PCDHB11: variants seen among roughly 807,000 people sequenced by gnomAD.
The protein encoded by PCDHB11 is protocadherin beta-11.
For synonymous variants in PCDHB11, 522 were observed against 442.0 expected, an observed-to-expected ratio of 1.18 and a Z score of -2.27; for missense variants, 1,151 against 1,003.4, an observed-to-expected ratio of 1.15 and a Z score of -1.99.
Position 141,201,281 on chromosome 5 carries a change from C to T in PCDHB11, c.1507C>T (p.Leu503=), listed in dbSNP as rs782263202. 8 of 1,613,602 alleles carry T rather than the reference C, an allele frequency of 5.0e-6. No individual in the cohort carries two copies. The highest frequency in any genetic ancestry group is 1.8e-4 in the Middle Eastern group (1 of 5,532). The stretch of plus-strand genomic sequence containing the variant: ...GGACCTGCACCTGCCCCTCGCCTCC[C>T]TGGTCTCCATCAACACAGACAACGG... The part of the protein sequence containing the change: ...PQDLHLPLAS[L]VSINTDNGHL... The change falls in exon 1 of 1, where the codon CTG becomes TTG. Residue 503 remains leucine, a synonymous_variant. Transcript: ENST00000354757.
In PCDHB11 at chr5:141,200,234, C is replaced by A; in HGVS notation, c.460C>A (p.Leu154Ile). 1 of 1,614,128 alleles carries A rather than the reference C, an allele frequency of 6.2e-7. No individual in the cohort carries two copies. The highest frequency in any genetic ancestry group is 1.1e-5 in the South Asian group (1 of 91,082). Residue 154 changes from leucine to isoleucine, a missense_variant, in exon 1 of 1, where the codon CTA becomes ATA. Transcript: ENST00000354757. ...ENSPVGAVFLLESAKDLDVGI... is the reference protein window; with the variant it reads ...ENSPVGAVFLIESAKDLDVGI... Reference sequence around the variant, plus strand: ...CAGTCCCGTTGGTGCTGTGTTCTTACTAGAAAGTGCGAAGGATTTAGATGT... The same window carrying A: ...CAGTCCCGTTGGTGCTGTGTTCTTAATAGAAAGTGCGAAGGATTTAGATGT...
chr5:141,200,979 C>G lies in PCDHB11; in HGVS notation c.1205C>G (p.Thr402Arg), dbSNP rs548155691. Residue 402 changes from threonine to arginine, a missense_variant, in exon 1 of 1, where the codon ACG becomes AGG. Thr to Arg is a moderately conservative substitution (Grantham distance 71, BLOSUM62 -1). Coordinates refer to ENST00000354757, the MANE Select transcript of PCDHB11 (RefSeq NM_018931.3). ...VLKSSVENYY[T>R]LETERPLDRE... ...AAATCTTCAGTTGAGAATTACTACA[C>G]GTTGGAAACAGAGAGACCACTGGAC... The G allele has an allele frequency of 6.2e-7, 1 of 1,614,166 alleles. No homozygotes were observed. The highest frequency in any genetic ancestry group is 1.1e-5 in the South Asian group (1 of 91,088).
rs114149224 is a variant in PCDHB11, at chr5:141,200,338, T to C, written c.564T>C (p.Asn188=). The part of the protein sequence containing the change: ...FHIKMRVIPD[N]RKYPELVLDK... ...TTAAAATGAGAGTCATTCCAGACAA[T>C]AGGAAATACCCCGAGTTAGTTCTGG... Residue 188 remains asparagine (N), a synonymous_variant, in exon 1 of 1, where the codon AAT becomes AAC. Coordinates refer to ENST00000354757, the MANE Select transcript of PCDHB11 (RefSeq NM_018931.3). 7.4e-4 allele frequency: 1,188 copies of C among 1,614,024 alleles called. 16 individuals are homozygous for C. The East Asian group carries it at 0.024, about 33-fold the overall frequency.
rs782562715 is a variant in PCDHB11 at position 141,200,012 on chromosome 5, A to G, written c.238A>G (p.Asn80Asp). The G allele has an allele frequency of 1.2e-6, 2 of 1,614,102 alleles. No homozygotes were observed. Among genetic ancestry groups the G allele is most frequent in the South Asian group, 2.2e-5 (2 of 91,078 alleles). The change falls in exon 1 of 1, where the codon AAC (asparagine) becomes GAC (aspartate). Residue 80 changes from asparagine to aspartate, a missense_variant. Transcript: ENST00000354757. ...GAAACAGCGTTTGCAGCTGGACATA[A>G]ACACTGGGGATTTGCTCTTAAGTGA... ...DKKQRLQLDI[N>D]TGDLLLSETL...
At position 141,201,679 on chromosome 5, in the gene PCDHB11, G is replaced by A. The variant is rs782696928; in HGVS notation, c.1905G>A (p.Ala635=). 114 of 1,605,478 alleles carry A rather than the reference G, an allele frequency of 7.1e-5. No homozygotes were observed. The highest frequency in any genetic ancestry group is 1.9e-4 in the African/African-American group (14 of 74,770). ...CCAGGCTGCTGAGCGAGCGCGACGC[G>A]GCCAAGCACAGGCTGGTGGTGCTGG... ...RTARLLSERD[A]AKHRLVVLVK... The change falls in exon 1 of 1, where the codon GCG becomes GCA. Residue 635 remains alanine, a synonymous_variant. Transcript: ENST00000354757.
Position 141,201,355 on chromosome 5 carries a change from C to G in PCDHB11, c.1581C>G (p.Phe527Leu). 6.2e-7 allele frequency: 1 copy of G among 1,613,146 alleles called. No individual in the cohort carries two copies. Among genetic ancestry groups the G allele is most frequent in the Non-Finnish European group, 8.5e-7 (1 of 1,179,908 alleles). Reference protein sequence around the residue: ...RSLDYEALQAFDFRVGATDRG... With the variant: ...RSLDYEALQALDFRVGATDRG... ...TGGACTACGAGGCCCTGCAGGCTTT[C>G]GACTTCCGCGTGGGCGCCACAGACC... is the stretch of plus-strand genomic sequence containing the variant. The change falls in exon 1 of 1, where the codon TTC becomes TTG. Residue 527 changes from phenylalanine to leucine, a missense_variant. Physicochemically the swap from Phe to Leu is conservative, Grantham distance 22. Coordinates refer to ENST00000354757, the MANE Select transcript of PCDHB11 (RefSeq NM_018931.3).
rs1554285403 is a variant in PCDHB11, at chr5:141,200,866, G to T, written c.1092G>T (p.Val364=). Residue 364 remains valine, a synonymous_variant, in exon 1 of 1, where the codon GTG becomes GTT. Coordinates refer to ENST00000354757, the MANE Select transcript of PCDHB11 (RefSeq NM_018931.3). ...SPIPENTPET[V]VMVFSIQDID... ...TCCCAGAAAATACGCCAGAGACCGTGGTTATGGTTTTTAGTATCCAAGATA... is the reference window on the plus strand; with the variant it reads ...TCCCAGAAAATACGCCAGAGACCGTTGTTATGGTTTTTAGTATCCAAGATA... 1 of 1,614,164 alleles carries T rather than the reference G, an allele frequency of 6.2e-7. No homozygotes were observed. Among genetic ancestry groups the T allele is most frequent in the East Asian group, 2.2e-5 (1 of 44,890 alleles).
At position 141,201,556 on chromosome 5, in the gene PCDHB11, C is replaced by T. The variant is rs113735298; in HGVS notation, c.1782C>T (p.Gly594=). Residue 594 remains glycine (G), a synonymous_variant, in exon 1 of 1, where the codon GGC becomes GGT. Transcript: ENST00000354757. ...TGACCAAGGTGGTGGCGGTGGACGG[C>T]GACTCGGGCCAGAACGCCTGGCTGT... is the stretch of plus-strand genomic sequence containing the variant. ...YLVTKVVAVD[G]DSGQNAWLSY... 0.04 allele frequency: 64,311 copies of T among 1,598,228 alleles called. 3,164 individuals are homozygous for T. Among genetic ancestry groups the T allele is most frequent in the African/African-American group, 0.27 (19,524 of 72,346 alleles).
At position 141,199,703 on chromosome 5, in the gene PCDHB11, T is replaced by C. The variant is rs1195492297; in HGVS notation, c.-72T>C. The C allele has an allele frequency of 1.5e-5, 20 of 1,348,532 alleles. No individual in the cohort carries two copies. Among genetic ancestry groups the C allele is most frequent in the Admixed American group, 2.1e-5 (1 of 48,002 alleles). The allele number at this position is 1,348,532 out of a possible 1,614,324, so 83.5% of individuals were successfully genotyped here. On this transcript the variant is annotated 5_prime_UTR_variant, in exon 1 of 1. Coordinates refer to ENST00000354757, the MANE Select transcript of PCDHB11 (RefSeq NM_018931.3). Reference sequence around the variant, plus strand: ...GTTAAAATCCTTAGACCACAGAGGATTTGGTGGACAAGTCAGAGACGCGTT... The same window carrying C: ...GTTAAAATCCTTAGACCACAGAGGACTTGGTGGACAAGTCAGAGACGCGTT...
rs1345758213 is a variant in PCDHB11, at chr5:141,202,626, C to CT, written c.*466dup. 4.9e-4 allele frequency: 72 copies of CT among 147,030 alleles called. No homozygotes were observed. Among genetic ancestry groups the CT allele is most frequent in the African/African-American group, 1.2e-3 (49 of 39,498 alleles). 9.1% of individuals were successfully genotyped at this position (147,030 alleles called of 1,614,324 possible). Reference sequence around the variant, plus strand: ...CGGCCTTTTTTTTTTCTTTTCTTTTCTTTTTTTTGATACAGAGTCTTAGTC... The same window carrying CT: ...CGGCCTTTTTTTTTTCTTTTCTTTTCTTTTTTTTTGATACAGAGTCTTAGTC... On this transcript the variant is annotated 3_prime_UTR_variant, in exon 1 of 1. Coordinates refer to ENST00000354757, the MANE Select transcript of PCDHB11 (RefSeq NM_018931.3).
At position 141,200,600 on chromosome 5, in the gene PCDHB11, G is replaced by A. The variant is rs1335430397; in HGVS notation, c.826G>A (p.Glu276Lys). The change falls in exon 1 of 1, where the codon GAA becomes AAA. Residue 276 changes from glutamate to lysine, a missense_variant. Transcript: ENST00000354757. The part of the protein sequence containing the change: ...AWDLDSGTNG[E>K]ICYTFSHASE... ...GGATTTAGACTCTGGAACAAATGGT[G>A]AAATATGCTATACCTTTTCCCATGC... 6.2e-7 allele frequency: 1 copy of A among 1,614,184 alleles called. No homozygotes were observed. The highest frequency in any genetic ancestry group is 1.6e-4 in the Middle Eastern group (1 of 6,062).
In PCDHB11 at chr5:141,203,160, T is replaced by G. The variant is rs1754245660; in HGVS notation, c.*992T>G. 1 of 152,208 alleles carries G rather than the reference T, an allele frequency of 6.6e-6. No homozygotes were observed. Among genetic ancestry groups the G allele is most frequent in the African/African-American group, 2.4e-5 (1 of 41,434 alleles). 9.4% of individuals were successfully genotyped at this position (152,208 alleles called of 1,614,324 possible). A position where few individuals can be genotyped will look rare whatever the true frequency, so the allele number is the denominator to read the frequency against. Reference sequence around the variant, plus strand: ...CAGGCTGGTGTGCAATGGCGTGATCTCGGCTCACTGCAGTCTCTGCCTCCC... The same window carrying G: ...CAGGCTGGTGTGCAATGGCGTGATCGCGGCTCACTGCAGTCTCTGCCTCCC... On this transcript the variant is annotated 3_prime_UTR_variant, in exon 1 of 1. Transcript: ENST00000354757.
In PCDHB11 at chr5:141,200,531, G is replaced by C. The variant is rs1754149060; in HGVS notation, c.757G>C (p.Glu253Gln). Reference protein sequence around the residue: ...EQAFYEVKIRENSILGSLILI... With the variant: ...EQAFYEVKIRQNSILGSLILI... Reference sequence around the variant, plus strand: ...GGCTTTTTATGAGGTGAAGATTCGGGAGAATAGCATCCTTGGCTCGCTGAT... The same window carrying C: ...GGCTTTTTATGAGGTGAAGATTCGGCAGAATAGCATCCTTGGCTCGCTGAT... The change falls in exon 1 of 1, where the codon GAG becomes CAG. Residue 253 changes from glutamate (E) to glutamine (Q), a missense_variant. Coordinates refer to ENST00000354757, the MANE Select transcript of PCDHB11 (RefSeq NM_018931.3). 3 of 1,614,044 alleles carry C rather than the reference G, an allele frequency of 1.9e-6. No individual in the cohort carries two copies. Among genetic ancestry groups the C allele is most frequent in the Admixed American group, 1.7e-5 (1 of 60,000 alleles).
chr5:141,199,795 C>CA lies in PCDHB11; in HGVS notation c.22dup (p.Thr8AsnfsTer22), dbSNP rs782667384. On this transcript the variant is annotated frameshift_variant, in exon 1 of 1. Transcript: ENST00000354757. LOFTEE classifies it low-confidence loss of function (END_TRUNC). ...GAACTATGGAGAACCAAGGGACACGCACTCAGCAGATAAGGCAAGTCCTGC... is the reference window on the plus strand; with the variant it reads ...GAACTATGGAGAACCAAGGGACACGCAACTCAGCAGATAAGGCAAGTCCTGC... 1.2e-6 allele frequency: 2 copies of CA among 1,614,120 alleles called. No individual in the cohort carries two copies. The highest frequency in any genetic ancestry group is 2.7e-5 in the African/African-American group (2 of 75,048).
rs546487034 is a variant in PCDHB11 at position 141,199,789 on chromosome 5, G to A, written c.15G>A (p.Gly5=). The A allele has an allele frequency of 1.2e-6, 2 of 1,614,012 alleles. No homozygotes were observed. Among genetic ancestry groups the A allele is most frequent in the Non-Finnish European group, 1.7e-6 (2 of 1,180,004 alleles). ...AGAAAGGAACTATGGAGAACCAAGG[G>A]ACACGCACTCAGCAGATAAGGCAAG... MENQ[G]TRTQQIRQVL... Residue 5 remains glycine, a synonymous_variant, in exon 1 of 1, where the codon GGG becomes GGA. Coordinates refer to ENST00000354757, the MANE Select transcript of PCDHB11 (RefSeq NM_018931.3).
Position 141,200,873 on chromosome 5 carries a change from G to C in PCDHB11, c.1099G>C (p.Val367Leu). The change falls in exon 1 of 1, where the codon GTT becomes CTT. Residue 367 changes from valine (V) to leucine (L), a missense_variant. Val to Leu is a conservative substitution (Grantham distance 32). Transcript: ENST00000354757. ...PENTPETVVM[V>L]FSIQDIDSGD... ...AAATACGCCAGAGACCGTGGTTATG[G>C]TTTTTAGTATCCAAGATATAGACTC... 6.2e-7 allele frequency: 1 copy of C among 1,614,172 alleles called. No individual in the cohort carries two copies.
chr5:141,199,687 C>T lies in PCDHB11; in HGVS notation c.-88C>T. On this transcript the variant is annotated 5_prime_UTR_variant, in exon 1 of 1. Transcript: ENST00000354757. ...GAAACCATTCAACAGGGTTAAAATC[C>T]TTAGACCACAGAGGATTTGGTGGAC... 8.3e-7 allele frequency: 1 copy of T among 1,206,944 alleles called. No homozygotes were observed. Among genetic ancestry groups the T allele is most frequent in the Non-Finnish European group, 1.2e-6 (1 of 859,658 alleles). The allele number at this position is 1,206,944 out of a possible 1,614,324, so 74.8% of individuals were successfully genotyped here.
At position 141,200,137 on chromosome 5, in the gene PCDHB11, T is replaced by C. The variant is rs782763575; in HGVS notation, c.363T>C (p.Leu121=). 17 of 1,613,962 alleles carry C rather than the reference T, an allele frequency of 1.1e-5. No homozygotes were observed. The East Asian group carries it at 2.0e-4, about 19-fold the overall frequency. Reference sequence around the variant, plus strand: ...CCACGCAGTTTTTACAAATTGAGCTTCAGGTCAGGGATATAAATGATCACT... The same window carrying C: ...CCACGCAGTTTTTACAAATTGAGCTCCAGGTCAGGGATATAAATGATCACT... ...QNPTQFLQIE[L]QVRDINDHSP... The change falls in exon 1 of 1, where the codon CTT becomes CTC. Residue 121 remains leucine, a synonymous_variant. Coordinates refer to ENST00000354757, the MANE Select transcript of PCDHB11 (RefSeq NM_018931.3).
At position 141,202,204 on chromosome 5, in the gene PCDHB11, GT is replaced by G. The variant is rs782757406; in HGVS notation, c.*40del. 78 of 1,511,642 alleles carry G rather than the reference GT, an allele frequency of 5.2e-5. No homozygotes were observed. The highest frequency in any genetic ancestry group is 6.9e-5 in the Non-Finnish European group (77 of 1,117,774). The allele number at this position is 1,511,642 out of a possible 1,614,324, so 93.6% of individuals were successfully genotyped here. A position where few individuals can be genotyped will look rare whatever the true frequency, so the allele number is the denominator to read the frequency against. ...ATTTACATTTGCATGTACTTTTTTA[GT>G]TTTATGTAACCATATCAATATTATT... On this transcript the variant is annotated 3_prime_UTR_variant, in exon 1 of 1. Transcript: ENST00000354757.
Sources: allele counts gnomAD v4.1 joint callset, GRCh38; gene constraint gnomAD v4.1.1; transcripts MANE v1.5; gene names NCBI Gene and HGNC (gene_info 2026-07-23, HGNC 2026-07-21).